MYO3A: variants seen among roughly 807,000 people sequenced by gnomAD.
MYO3A encodes the protein myosin IIIA.
In MYO3A, 180 loss-of-function variants were observed where a neutral mutation model predicts 192.7. The observed-to-expected ratio is 0.93, with a 90% CI of 0.83 to 1.06. The LOEUF is 1.06. Ranked by LOEUF, MYO3A falls within the 50% of genes least tolerant of loss-of-function variation. The probability of loss-of-function intolerance (pLI) is 0.00; values close to 1 mark genes in which losing one functional copy is unlikely to be tolerated. For missense variants in MYO3A, 1,896 were observed against 1,905.0 expected, an observed-to-expected ratio of 1.00 and a Z score of 0.09; for synonymous variants, 628 against 645.3, an observed-to-expected ratio of 0.97 and a Z score of 0.41.
At chr10:26,192,079 C>T (rs940231943) in intron 31 of MYO3A, among the ~76,000 whole-genome samples, 1 of 151,982 alleles carries the variant, frequency 6.6e-6, no homozygotes, top group Admixed American at 6.6e-5. Context: ...ATGGGGTGGT[C>T]AAGAATCATG....
At chr10:26,141,940 T>C (rs901084177) in intron 20 of MYO3A, among the ~76,000 whole-genome samples, 2 of 152,230 alleles carry the variant, frequency 1.3e-5, no homozygotes, top group African/African-American at 4.8e-5. Context: ...AGCTCTGGCT[T>C]ATCAAAATGT....
chr10:26,196,911 G>A (rs538109541), intron 32 of MYO3A, among the ~76,000 whole-genome samples: 15 of 152,228 alleles, frequency 9.9e-5, no homozygotes, highest in South Asian at 8.3e-4. Context: ...AGCATCCATC[G>A]TCTCAAGCAT....
intron 18 of MYO3A, among the ~76,000 whole-genome samples, chr10:26,122,819 A>C (rs1838957983): frequency 1.3e-5 from 2 of 152,176 alleles, no homozygotes; most frequent in South Asian, 4.1e-4. Context: ...TTGTTTTATA[A>C]AGTATTGTGC....
At chr10:25,987,753 C>G (rs532600737) in intron 4 of MYO3A, among the ~76,000 whole-genome samples, 5 of 151,664 alleles carry the variant, frequency 3.3e-5, no homozygotes, top group African/African-American at 1.2e-4. Flanking sequence ...TTTACACTCC[C>G]ATCAACACCA....
chr10:26,132,497 T>C (rs1043368586), intron 20 of MYO3A, among the ~76,000 whole-genome samples: 1 of 152,174 alleles, frequency 6.6e-6, no homozygotes, highest in East Asian at 1.9e-4. Flanking sequence ...TTGGAACAAA[T>C]GCCACTGTTC....
At chr10:26,170,028 T>A (rs1841969205) in intron 28 of MYO3A, among the ~76,000 whole-genome samples, 1 of 152,198 alleles carries the variant, frequency 6.6e-6, no homozygotes. Flanking sequence ...TTAAAAAAAA[T>A]TAATCTGAAT....
At chr10:26,021,375 T>C (rs1842291640) in intron 7 of MYO3A, 128 bp from the exon 8 acceptor site, 3 of 1,095,300 alleles carry the variant, frequency 2.7e-6, no homozygotes, top group South Asian at 1.3e-5. Context: ...CCTAAGTTAC[T>C]GCCTTCGTCT....
intron 19 of MYO3A, among the ~76,000 whole-genome samples, chr10:26,126,979 G>T (rs1564574979): frequency 2.0e-5 from 3 of 152,088 alleles, no homozygotes; most frequent in African/African-American, 4.8e-5. Context: ...GGTATATGTT[G>T]TATGCTGGGC....
intron 17 of MYO3A, among the ~76,000 whole-genome samples, chr10:26,109,380 A>T (rs946742539): frequency 6.6e-6 from 1 of 152,208 alleles, no homozygotes; most frequent in Non-Finnish European, 1.5e-5. Context: ...CTAGAAATAA[A>T]CAGTTTTAAA....
chr10:25,951,089 T>G (rs1298792982), intron 2 of MYO3A, among the ~76,000 whole-genome samples: 1 of 152,180 alleles, frequency 6.6e-6, no homozygotes, highest in Non-Finnish European at 1.5e-5. Context: ...GACAAATCAA[T>G]TAATTATTTC....
intron 11 of MYO3A, among the ~76,000 whole-genome samples, chr10:26,067,954 C>T (rs1464020125): frequency 6.6e-6 from 1 of 152,122 alleles, no homozygotes; most frequent in Non-Finnish European, 1.5e-5. Context: ...ATAAACAACT[C>T]AAGTACTTCC....
chr10:25,997,300 A>G (rs775529724), intron 6 of MYO3A, 42 bp downstream of exon 6: 1 of 1,357,992 alleles, frequency 7.4e-7, no homozygotes, highest in Non-Finnish European at 1.1e-6. Context: ...CTCCATAATG[A>G]ACTAGTATGA....
chr10:26,081,136 C>CCG (rs955966797), intron 14 of MYO3A, among the ~76,000 whole-genome samples: 1 of 106,634 alleles, frequency 9.4e-6, no homozygotes, highest in African/African-American at 3.1e-5. Context: ...ATGCCCTTCC[C>CCG]CCCCCCCCCG....
At chr10:26,139,882 TA>T (rs987999820) in intron 20 of MYO3A, among the ~76,000 whole-genome samples, 43 of 145,842 alleles carry the variant, frequency 2.9e-4, no homozygotes, top group East Asian at 1.2e-3. Flanking sequence ...ACAGATTGTC[TA>T]AAAAAAAAAA....
chr10:26,120,859 A>T, intron 18 of MYO3A, 57 bp downstream of exon 18: 1 of 1,592,072 alleles, frequency 6.3e-7, no homozygotes, highest in East Asian at 2.2e-5. Context: ...ATGACATACC[A>T]TAAGTATCAC....
In MYO3A at chr10:26,021,524, T is replaced by C; in HGVS notation, c.607T>C (p.Leu203=). 6.2e-7 allele frequency: 1 copy of C among 1,614,138 alleles called. No homozygotes were observed. The highest frequency in any genetic ancestry group is 8.5e-7 in the Non-Finnish European group (1 of 1,179,980). ...CTAGGTGATTGCATGTGAACAGCAA[T>C]TGGATACCACTTATGACGCCAGATG... ...APEVIACEQQ[L]DTTYDARCDT... is the part of the protein sequence containing the mutation. The change falls in exon 8 of 35, where the codon TTG becomes CTG. Residue 203 remains leucine, a synonymous_variant. Transcript: ENST00000642920.
intron 20 of MYO3A, among the ~76,000 whole-genome samples, chr10:26,133,431 G>A (rs911792727): frequency 3.3e-5 from 5 of 152,148 alleles, no homozygotes; most frequent in African/African-American, 7.2e-5. Flanking sequence ...CTCTGGCTTC[G>A]CAGACGGCCT....
rs1491502756 is a variant in MYO3A at position 26,081,144 on chromosome 10, CCG to C, written c.1360-7057_1360-7056del. Among the ~76,000 whole-genome samples, 21 of 90,526 alleles carry C rather than the reference CCG, an allele frequency of 2.3e-4. 2 individuals carry two copies. The highest frequency in any genetic ancestry group is 6.7e-4 in the African/African-American group (18 of 26,882). 59.4% of individuals were successfully genotyped at this position (90,526 alleles called of 152,430 possible). On this transcript the variant is annotated intron_variant, in intron 14 of 34. Transcript: ENST00000642920. ...AGATTATATGCCCTTCCCCCCCCCC[CCG>C]CCCCCGCTACCAGGGTGGGTAGGGA...
chr10:26,061,197 G>A (rs1207374335), intron 10 of MYO3A, among the ~76,000 whole-genome samples: 1 of 152,168 alleles, frequency 6.6e-6, no homozygotes, highest in Non-Finnish European at 1.5e-5. Flanking sequence ...CCAAAGTGCT[G>A]GGATTACAGG....
Sources: allele counts gnomAD v4.1 joint callset (sites outside exome capture counted in the v4.1 genomes callset), GRCh38; gene constraint gnomAD v4.1.1; transcripts MANE v1.5; gene names NCBI Gene and HGNC (gene_info 2026-07-23, HGNC 2026-07-21).